The following UBXN11 variants were observed in gnomAD, a reference collection of about 807,000 sequenced individuals.
UBXN11 encodes UBX domain-containing protein 11.
A neutral mutation model predicts 62.8 loss-of-function variants in UBXN11; 47 were observed. That is an observed-to-expected ratio of 0.75 (90% CI 0.59 to 0.95). The LOEUF is 0.95. Ranked by LOEUF, UBXN11 falls within the 40% of genes least tolerant of loss-of-function variation. The probability of loss-of-function intolerance (pLI) is 0.00; values close to 1 mark genes in which losing one functional copy is unlikely to be tolerated. For missense variants in UBXN11, 638 were observed against 661.7 expected, an observed-to-expected ratio of 0.96 and a Z score of 0.39; for synonymous variants, 294 against 267.0, an observed-to-expected ratio of 1.10 and a Z score of -0.99.
chr1:26,282,533 T>C lies in UBXN11; in HGVS notation c.1329A>G (p.Thr443=), dbSNP rs980962849. The change falls in exon 15 of 15, where the codon ACA becomes ACG. Residue 443 remains threonine, a synonymous_variant. Transcript: ENST00000374222. ...CGTCCTGGTAGAGGGTGGGCGGGAA[T>C]GTGCTGAAGATCTCAAAGGCAGAGG... ...MDASAFEIFS[T]FPPTLYQDDT... 18 of 1,596,262 alleles carry C rather than the reference T, an allele frequency of 1.1e-5. No homozygotes were observed. Among genetic ancestry groups the C allele is most frequent in the Non-Finnish European group, 1.5e-5 (18 of 1,167,872 alleles).
chr1:26,282,860 TCA>T lies in UBXN11; in HGVS notation c.1151+2_1151+3del, dbSNP rs1282305597. ...AGGCCCTCACCTCCTCATCCCGCCC[TCA>T]CCTCTCTCGCTCAGCGGCCAAGGTG... On this transcript the variant is annotated splice_donor_variant and splice_donor_region_variant and intron_variant, in intron 13 of 14. Coordinates refer to ENST00000374222, the MANE Select transcript of UBXN11 (RefSeq NM_001389556.1). LOFTEE classifies it high-confidence loss of function. 1 of 1,614,076 alleles carries T rather than the reference TCA, an allele frequency of 6.2e-7. No individual in the cohort carries two copies. The highest frequency in any genetic ancestry group is 1.7e-5 in the Admixed American group (1 of 60,034).
At chr1:26,301,835 G>A in intron 2 of UBXN11, 113 bp from the exon 3 acceptor site, 1 of 1,429,762 alleles carries the variant, frequency 7.0e-7, no homozygotes, top group Non-Finnish European at 9.6e-7. Context: ...GATGGAAGCA[G>A]GGCCTCTAAC....
chr1:26,301,801 C>T lies in UBXN11; in HGVS notation c.72-79G>A, dbSNP rs941196231. The T allele has an allele frequency of 6.4e-6, 10 of 1,571,812 alleles. No individual in the cohort carries two copies. The Admixed American group carries it at 1.1e-4, about 17-fold the overall frequency. On this transcript the variant is annotated intron_variant, in intron 2 of 14. Coordinates refer to ENST00000374222, the MANE Select transcript of UBXN11 (RefSeq NM_001389556.1). ...ATACCAGGGATAAGGCTCTGGGCACCGGACTTCAGCCAAAGCTCAAAGAGA... is the reference window on the plus strand; with the variant it reads ...ATACCAGGGATAAGGCTCTGGGCACTGGACTTCAGCCAAAGCTCAAAGAGA...
At chr1:26,289,405 G>A (rs1191688949) in intron 8 of UBXN11, among the ~76,000 whole-genome samples, 1 of 151,920 alleles carries the variant, frequency 6.6e-6, no homozygotes, top group East Asian at 1.9e-4. Context: ...TGCATGCCTG[G>A]AGCCCTTGCA....
chr1:26,285,157 C>T (rs945479481), intron 10 of UBXN11: 9 of 1,151,096 alleles, frequency 7.8e-6, no homozygotes, highest in African/African-American at 6.5e-5. Flanking sequence ...GGGGGACAGC[C>T]GGGCCACTTC....
At chr1:26,309,093 CA>C (rs1285953884), upstream of UBXN11, among the ~76,000 whole-genome samples, 1 of 151,924 alleles carries the variant, frequency 6.6e-6, no homozygotes, top group East Asian at 1.9e-4. Context: ...CCACCATGCC[CA>C]GCTAATTTTT....
intron 8 of UBXN11, among the ~76,000 whole-genome samples, chr1:26,286,614 C>T (rs1199677654): frequency 6.6e-6 from 1 of 152,208 alleles, no homozygotes; most frequent in Non-Finnish European, 1.5e-5. Flanking sequence ...GCTTGGAACA[C>T]GCACCCTGTC....
At chr1:26,290,812 TAGTGAGG>T (rs1476816658) in intron 8 of UBXN11, among the ~76,000 whole-genome samples, 1 of 139,436 alleles carries the variant, frequency 7.2e-6, no homozygotes, top group Non-Finnish European at 1.5e-5. Context: ...AACAGGGAAG[TAGTGAGG>T]AGTGAGGAGC....
upstream of UBXN11, among the ~76,000 whole-genome samples, chr1:26,311,059 T>C (rs77836303): frequency 1.3e-3 from 191 of 152,056 alleles, 1 homozygote; most frequent in Non-Finnish European, 2.2e-3. Flanking sequence ...TGAACAAGGC[T>C]CTTTCTGGAC....
chr1:26,282,823 C>T, intron 13 of UBXN11, 34 bp from the exon 14 acceptor site: 1 of 1,614,064 alleles, frequency 6.2e-7, no homozygotes, highest in African/African-American at 1.3e-5. Flanking sequence ...CACGCGGTGA[C>T]CCAACGCCCC....
intron 4 of UBXN11, among the ~76,000 whole-genome samples, chr1:26,298,902 G>T (rs559454898): frequency 6.6e-6 from 1 of 151,888 alleles, no homozygotes; most frequent in Admixed American, 6.6e-5. Context: ...CAGGAACCGC[G>T]GCCATCATCC....
intron 11 of UBXN11, 28 bp from the exon 12 acceptor site, chr1:26,284,273 C>G (rs1432267667): frequency 6.2e-7 from 1 of 1,607,134 alleles, no homozygotes; most frequent in African/African-American, 1.3e-5. Context: ...AACCGGGGCC[C>G]AGGAAGGACT....
At chr1:26,312,169 G>A (rs922466409) in intron 1 of UBXN11, among the ~76,000 whole-genome samples, 1 of 151,946 alleles carries the variant, frequency 6.6e-6, no homozygotes, top group African/African-American at 2.4e-5. Flanking sequence ...CCTCCCCCAT[G>A]AAATCATCTC....
At chr1:26,317,354 A>G (rs530425188) in intron 1 of UBXN11, among the ~76,000 whole-genome samples, 4 of 152,318 alleles carry the variant, frequency 2.6e-5, no homozygotes, top group African/African-American at 9.6e-5. Flanking sequence ...GGAAAGCCCA[A>G]CTGAAACCAG....
intron 10 of UBXN11, chr1:26,285,018 TG>T: frequency 1.0e-6 from 1 of 1,003,942 alleles, no homozygotes; most frequent in South Asian, 4.1e-5. Flanking sequence ...TCATGGGCTC[TG>T]GTGGTGGCAC....
chr1:26,294,373 GC>G, intron 7 of UBXN11, 42 bp from the exon 8 acceptor site: 1 of 1,605,056 alleles, frequency 6.2e-7, no homozygotes. Context: ...CGTCAGCTCA[GC>G]CCCTTCCCAG....
intron 8 of UBXN11, among the ~76,000 whole-genome samples, chr1:26,286,818 C>CTCCTATTCTCCTAT: frequency 6.8e-6 from 1 of 146,344 alleles, no homozygotes; most frequent in Middle Eastern, 3.6e-3. Flanking sequence ...CCTATCTCAG[C>CTCCTATTCTCCTAT]CTCCTGAGTA....
Position 26,282,994 on chromosome 1 carries a change from A to G in UBXN11, c.1078-57T>C, listed in dbSNP as rs2073037161. On this transcript the variant is annotated intron_variant, in intron 12 of 14. Coordinates refer to ENST00000374222, the MANE Select transcript of UBXN11 (RefSeq NM_001389556.1). ...CCTAGGCCCCATTTGAGTCATCCCC[A>G]CAAACCTTAGAGGGACACTTCCTTG... The G allele has an allele frequency of 1.4e-5, 23 of 1,608,510 alleles. No individual in the cohort carries two copies. The South Asian group carries it at 2.3e-4, about 16-fold the overall frequency.
intron 7 of UBXN11, among the ~76,000 whole-genome samples, chr1:26,296,085 C>T (rs180945823): frequency 4.9e-4 from 74 of 152,364 alleles, no homozygotes; most frequent in African/African-American, 1.6e-3. Context: ...GAAACCAATT[C>T]TGCGTGGAGA....
Sources: gnomAD v4.1 joint callset for allele counts (sites outside exome capture counted in the v4.1 genomes callset) on GRCh38, gnomAD v4.1.1 for gene constraint, MANE v1.5 for transcripts, NCBI Gene and HGNC (gene_info 2026-07-23, HGNC 2026-07-21) for gene names.